CEP85L: variants seen among roughly 807,000 people sequenced by gnomAD.
CEP85L encodes the protein centrosomal protein 85L.
In CEP85L, 60 loss-of-function variants were observed where a neutral mutation model predicts 100.3. The ratio of observed to expected loss-of-function variants is 0.60; its 90% confidence interval spans 0.49 to 0.74. The LOEUF is 0.74. Ranked by LOEUF, CEP85L falls within the 30% of genes least tolerant of loss-of-function variation. The pLI is 0.00. For missense variants in CEP85L, 973 were observed against 936.2 expected (o/e 1.04, Z -0.51); for synonymous variants, 319 against 322.7 (o/e 0.99, Z 0.12).
chr6:118,680,354 T>TA (rs111360359), intron 1 of CEP85L, among the ~76,000 whole-genome samples: 13 of 120,966 alleles, frequency 1.1e-4, no homozygotes, highest in East Asian at 4.4e-4. Context: ...TTCTTCTTAT[T>TA]AAAAAAAAAA....
chr6:118,482,174 G>T (rs983369239), intron 7 of CEP85L, among the ~76,000 whole-genome samples: 137 of 152,040 alleles, frequency 9.0e-4, no homozygotes, highest in African/African-American at 3.1e-3. Flanking sequence ...GACCGAGAAA[G>T]GTTAATATTC....
intron 8 of CEP85L, among the ~76,000 whole-genome samples, 165 bp from the exon 9 acceptor site, chr6:118,480,678 CAAGT>C (rs1773714081): frequency 6.6e-6 from 1 of 152,092 alleles, no homozygotes; most frequent in South Asian, 2.1e-4. Context: ...TAGTTCATAA[CAAGT>C]AAGAAGGGTC....
intron 3 of CEP85L, among the ~76,000 whole-genome samples, chr6:118,534,009 G>A (rs1401837573): frequency 4.0e-5 from 6 of 151,430 alleles, no homozygotes; most frequent in African/African-American, 1.2e-4. Context: ...GCAGGAGAAT[G>A]GCTTGAACCC....
chr6:118,652,802 G>A (rs1252768230), upstream of CEP85L: 5 of 1,293,174 alleles, frequency 3.9e-6, no homozygotes, highest in Non-Finnish European at 5.4e-6. Context: ...CCAAGGGTCA[G>A]CTGTTTCTGA....
chr6:118,701,086 G>A (rs557646755), intron 1 of CEP85L, among the ~76,000 whole-genome samples: 2 of 152,306 alleles, frequency 1.3e-5, no homozygotes, highest in South Asian at 4.1e-4. Flanking sequence ...CTCCCATTCA[G>A]AGTGATTTGC....
intron 1 of CEP85L, among the ~76,000 whole-genome samples, chr6:118,697,918 T>A (rs1777268494): frequency 6.6e-6 from 1 of 152,220 alleles, no homozygotes; most frequent in Non-Finnish European, 1.5e-5. Flanking sequence ...GGCTACTCAC[T>A]GAAGAAGTTA....
chr6:118,621,400 C>T (rs921480231), intron 2 of CEP85L, among the ~76,000 whole-genome samples: 1 of 152,196 alleles, frequency 6.6e-6, no homozygotes, highest in Non-Finnish European at 1.5e-5. Context: ...CACTGACTCC[C>T]AGTTCCTCTT....
intron 1 of CEP85L, among the ~76,000 whole-genome samples, chr6:118,684,610 A>G (rs1439463767): frequency 1.3e-5 from 2 of 152,228 alleles, no homozygotes; most frequent in Non-Finnish European, 2.9e-5. Flanking sequence ...GCAGGAAATG[A>G]AAGCTCAGCG....
intron 1 of CEP85L, among the ~76,000 whole-genome samples, chr6:118,643,622 A>T (rs1032187270): frequency 6.6e-6 from 1 of 152,230 alleles, no homozygotes; most frequent in African/African-American, 2.4e-5. Context: ...TTAAAATCCT[A>T]TCAACGACTT....
At chr6:118,528,763 A>G (rs1340229193) in intron 3 of CEP85L, among the ~76,000 whole-genome samples, 1 of 152,190 alleles carries the variant, frequency 6.6e-6, no homozygotes, top group Non-Finnish European at 1.5e-5. Flanking sequence ...TGAAGCCAGC[A>G]TCTATACTAC....
chr6:118,622,611 GGGA>G lies in CEP85L; in HGVS notation c.232+9839_232+9841del, dbSNP rs1230698263. Reference sequence around the variant, plus strand: ...TGGCACTTACCTGAGCCTTAGAACTGGGAGAAGGAAAAAGAATAAATGTGTATA... The same window carrying G: ...TGGCACTTACCTGAGCCTTAGAACTGGAAGGAAAAAGAATAAATGTGTATA... On this transcript the variant is annotated intron_variant, in intron 2 of 12. Transcript: ENST00000368491. Among the ~76,000 whole-genome samples, 3 of 152,168 alleles carry G rather than the reference GGGA, an allele frequency of 2.0e-5. No homozygotes were observed. In the East Asian group the frequency reaches 5.8e-4, roughly 29 times the overall value.
At chr6:118,567,779 T>C (rs2115009825) in intron 2 of CEP85L, among the ~76,000 whole-genome samples, 1 of 152,326 alleles carries the variant, frequency 6.6e-6, no homozygotes, top group South Asian at 2.1e-4. Flanking sequence ...ACGAGCCAGG[T>C]AGACTATTCA....
chr6:118,685,513 T>C (rs1325043554), intron 1 of CEP85L, among the ~76,000 whole-genome samples: 1 of 152,244 alleles, frequency 6.6e-6, no homozygotes, highest in Non-Finnish European at 1.5e-5. Flanking sequence ...AAAATGTGAT[T>C]ATTTAGTACA....
intron 2 of CEP85L, among the ~76,000 whole-genome samples, chr6:118,567,243 G>GTATA (rs1779591071): frequency 9.6e-5 from 3 of 31,356 alleles, no homozygotes; most frequent in African/African-American, 4.4e-4. Context: ...GTGTGTGTGT[G>GTATA]TGTGTGTATA....
rs1469285472 is a variant in CEP85L at position 118,463,984 on chromosome 6, C to T, written c.*1421G>A. On this transcript the variant is annotated 3_prime_UTR_variant, in exon 13 of 13. Transcript: ENST00000368491. The stretch of plus-strand genomic sequence containing the variant: ...GCCCTTTATCTGGCAAGAAAACAGG[C>T]ATGTGATATGCTCTTTATCAAATCA... The T allele has an allele frequency of 6.6e-6, 1 of 152,088 alleles. No homozygotes were observed. The highest frequency in any genetic ancestry group is 1.5e-5 in the Non-Finnish European group (1 of 67,976). The allele number at this position is 152,088 out of a possible 1,614,324, so 9.4% of individuals were successfully genotyped here.
chr6:118,488,924 TG>T (rs1774368669), intron 6 of CEP85L, among the ~76,000 whole-genome samples: 1 of 152,142 alleles, frequency 6.6e-6, no homozygotes, highest in African/African-American at 2.4e-5. Flanking sequence ...CAATGGGGAA[TG>T]GGGGTAATTG....
Position 118,479,940 on chromosome 6 carries a change from ATC to A in CEP85L, c.1864-21_1864-20del. 7.9e-7 allele frequency: 1 copy of A among 1,263,580 alleles called. No individual in the cohort carries two copies. The highest frequency in any genetic ancestry group is 1.1e-6 in the Non-Finnish European group (1 of 895,532). The allele number at this position is 1,263,580 out of a possible 1,614,324, so 78.3% of individuals were successfully genotyped here. ...CTATTATCTAAAACAAAATAAATAC[ATC>A]TGATTCAAATAATTTTTACATCGCT... On this transcript the variant is annotated intron_variant, in intron 9 of 12. Coordinates refer to ENST00000368491, the MANE Select transcript of CEP85L (RefSeq NM_001042475.3).
intron 6 of CEP85L, among the ~76,000 whole-genome samples, chr6:118,485,594 C>G (rs913520396): frequency 2.6e-5 from 4 of 152,212 alleles, no homozygotes; most frequent in Non-Finnish European, 4.4e-5. Context: ...ACCTTACATA[C>G]TGTTGGCACT....
intron 1 of CEP85L, among the ~76,000 whole-genome samples, chr6:118,635,910 T>C (rs1774463187): frequency 6.6e-6 from 1 of 152,218 alleles, no homozygotes. Context: ...TATGGTGTTA[T>C]TATCACAAGC....
Sources: gnomAD v4.1 joint callset for allele counts (sites outside exome capture counted in the v4.1 genomes callset) on GRCh38, gnomAD v4.1.1 for gene constraint, MANE v1.5 for transcripts, NCBI Gene and HGNC (gene_info 2026-07-23, HGNC 2026-07-21) for gene names.